The following ATP8A2 variants were observed in gnomAD, a reference collection of about 807,000 sequenced individuals.
ATP8A2 encodes ATPase phospholipid transporting 8A2, also known as phospholipid-transporting ATPase IB.
In ATP8A2, 100 loss-of-function variants were observed where a neutral mutation model predicts 165.6. The observed-to-expected ratio is 0.60, with a 90% CI of 0.51 to 0.71. The LOEUF (loss-of-function observed/expected upper bound fraction) is 0.71. Among genes scored for constraint, ATP8A2 ranks in the 30% least tolerant of loss-of-function variants. The probability of loss-of-function intolerance (pLI) is 0.00; values close to 1 mark genes in which losing one functional copy is unlikely to be tolerated. For synonymous variants in ATP8A2, 543 were observed against 548.8 expected (o/e 0.99, Z 0.15); for missense variants, 1,227 against 1,479.5 (o/e 0.83, Z 2.80).
At position 25,433,697 on chromosome 13, in the gene ATP8A2, T is replaced by C. The variant is rs555574770; in HGVS notation, c.77-35280T>C. The stretch of plus-strand genomic sequence containing the variant: ...TCCTGCATTAGAAATCACATGCTTC[T>C]GTTCACAGTAGCAAAGTCATAGAAC... On this transcript the variant is annotated intron_variant, in intron 1 of 36. Coordinates refer to ENST00000381655, the MANE Select transcript of ATP8A2 (RefSeq NM_016529.6). Among the ~76,000 whole-genome samples the C allele has an allele frequency of 2.6e-5, 4 of 152,332 alleles. No homozygotes were observed. The East Asian group carries it at 5.8e-4, about 22-fold the overall frequency.
intron 33 of ATP8A2, among the ~76,000 whole-genome samples, chr13:25,928,341 C>T (rs567200724): frequency 6.6e-6 from 1 of 152,260 alleles, no homozygotes; most frequent in South Asian, 2.1e-4. Flanking sequence ...TCATTTATTC[C>T]GTTGACTTCT....
In ATP8A2 at chr13:25,571,671, A is replaced by G. The variant is rs1002992410; in HGVS notation, c.1641A>G (p.Pro547=). The part of the protein sequence containing the change: ...KLGFVFTART[P]FSVIIEAMGQ... ...GCTTTGTCTTCACAGCCAGAACACC[A>G]TTCTCAGTCATCATAGAAGCGGTGA... Residue 547 remains proline (P), a synonymous_variant, in exon 18 of 37, where the codon CCA becomes CCG. Transcript: ENST00000381655. 1.2e-6 allele frequency: 2 copies of G among 1,613,976 alleles called. No individual in the cohort carries two copies. The highest frequency in any genetic ancestry group is 2.2e-5 in the East Asian group (1 of 44,894).
At chr13:25,572,413 G>C (rs1182855444) in intron 18 of ATP8A2, among the ~76,000 whole-genome samples, 2 of 152,196 alleles carry the variant, frequency 1.3e-5, no homozygotes, top group African/African-American at 4.8e-5. Flanking sequence ...TGCTGGGACA[G>C]GCGTGAGCCA....
In ATP8A2 at chr13:25,589,652, G is replaced by C; in HGVS notation, c.2164G>C (p.Val722Leu). ...AINIGYSCRL[V>L]SQNMALILLK... Reference sequence around the variant, plus strand: ...CACTTCAGGGTATTCCTGCCGATTGGTATCGCAGAATATGGCCCTTATCCT... The same window carrying C: ...CACTTCAGGGTATTCCTGCCGATTGCTATCGCAGAATATGGCCCTTATCCT... The change falls in exon 24 of 37, where the codon GTA becomes CTA. Residue 722 changes from valine to leucine, a missense_variant. Val to Leu is a conservative substitution (Grantham distance 32, BLOSUM62 1). Around this residue, in one of 5 missense-constraint regions of ATP8A2, gnomAD observed 592 missense variants for 785.6 expected, o/e 0.75. Transcript: ENST00000381655. The C allele has an allele frequency of 6.2e-7, 1 of 1,612,084 alleles. No homozygotes were observed. The highest frequency in any genetic ancestry group is 8.5e-7 in the Non-Finnish European group (1 of 1,178,460).
intron 24 of ATP8A2, among the ~76,000 whole-genome samples, chr13:25,632,663 G>A (rs2041270617): frequency 6.6e-6 from 1 of 152,142 alleles, no homozygotes; most frequent in African/African-American, 2.4e-5. Flanking sequence ...AATCCCTGCA[G>A]GTGTAGCTCA....
chr13:25,870,184 C>T (rs573246876), intron 33 of ATP8A2, among the ~76,000 whole-genome samples: 1 of 152,282 alleles, frequency 6.6e-6, no homozygotes, highest in Non-Finnish European at 1.5e-5. Flanking sequence ...GGTGCCTGTC[C>T]GTGCATTCCT....
chr13:25,536,736 G>T (rs1195343247), intron 6 of ATP8A2, among the ~76,000 whole-genome samples: 2 of 152,292 alleles, frequency 1.3e-5, no homozygotes, highest in East Asian at 3.9e-4. Flanking sequence ...AACTATTACT[G>T]TACTAGTAAT....
chr13:25,927,014 G>A lies in ATP8A2; in HGVS notation c.3184-34561G>A, dbSNP rs146921497. The A allele has an allele frequency of 1.3e-4, 54 of 404,746 alleles. No homozygotes were observed. The East Asian group carries it at 2.8e-3, about 21-fold the overall frequency. 25.1% of individuals were successfully genotyped at this position (404,746 alleles called of 1,614,324 possible). Reference sequence around the variant, plus strand: ...TTCCCTGCATCCTGCTGTGCCTCCCGCTCCTTCTCCTTGCCACTCTCTCCT... The same window carrying A: ...TTCCCTGCATCCTGCTGTGCCTCCCACTCCTTCTCCTTGCCACTCTCTCCT... On this transcript the variant is annotated intron_variant, in intron 33 of 36. Coordinates refer to ENST00000381655, the MANE Select transcript of ATP8A2 (RefSeq NM_016529.6).
chr13:25,804,613 A>C (rs1950690817), intron 27 of ATP8A2, among the ~76,000 whole-genome samples: 1 of 152,132 alleles, frequency 6.6e-6, no homozygotes, highest in African/African-American at 2.4e-5. Flanking sequence ...CTAAATATAG[A>C]AGTGTCTTTA....
chr13:25,684,680 A>C (rs1348202121), intron 24 of ATP8A2, among the ~76,000 whole-genome samples: 2 of 152,222 alleles, frequency 1.3e-5, no homozygotes, highest in Admixed American at 6.5e-5. Flanking sequence ...AAGAAAATCT[A>C]TTTAAAGCAA....
At chr13:25,680,388 C>CT (rs1298210869) in intron 24 of ATP8A2, among the ~76,000 whole-genome samples, 1 of 152,164 alleles carries the variant, frequency 6.6e-6, no homozygotes, top group African/African-American at 2.4e-5. Context: ...GGGGAAGAGA[C>CT]TAGGAAAAGA....
chr13:25,786,350 G>A (rs1268822490), intron 27 of ATP8A2, among the ~76,000 whole-genome samples: 2 of 152,170 alleles, frequency 1.3e-5, no homozygotes, highest in Non-Finnish European at 2.9e-5. Context: ...ATCAAGAATA[G>A]GAGTTATATA....
At chr13:25,571,822 C>A in intron 18 of ATP8A2, 130 bp downstream of exon 18, 1 of 836,322 alleles carries the variant, frequency 1.2e-6, no homozygotes. Context: ...CTGTGACAAA[C>A]TGGAGTTAAT....
At chr13:25,442,727 A>G (rs1248050351) in intron 1 of ATP8A2, among the ~76,000 whole-genome samples, 1 of 152,008 alleles carries the variant, frequency 6.6e-6, no homozygotes, top group Non-Finnish European at 1.5e-5. Context: ...TTTGATTTGC[A>G]TTTCCCTGAG....
chr13:25,897,664 A>G (rs1450103400), intron 33 of ATP8A2, among the ~76,000 whole-genome samples: 1 of 152,186 alleles, frequency 6.6e-6, no homozygotes, highest in African/African-American at 2.4e-5. Context: ...CGTCACTTTC[A>G]GGTCCACCAA....
intron 25 of ATP8A2, among the ~76,000 whole-genome samples, chr13:25,723,950 T>G (rs1216800507): frequency 6.6e-6 from 1 of 152,052 alleles, no homozygotes; most frequent in Non-Finnish European, 1.5e-5. Context: ...CCGTGGCTGG[T>G]TTGAAGATGG....
intron 24 of ATP8A2, among the ~76,000 whole-genome samples, chr13:25,621,669 G>A (rs549112714): frequency 5.6e-4 from 86 of 152,274 alleles, no homozygotes; most frequent in Non-Finnish European, 9.9e-4. Context: ...TCATAAGACA[G>A]TGGATTCCCA....
rs181514646 is a variant in ATP8A2, at chr13:25,963,211, T to C, written c.3272+1548T>C. Among the ~76,000 whole-genome samples the C allele has an allele frequency of 9.5e-4, 144 of 152,078 alleles. 1 individual carries two copies. The highest frequency in any genetic ancestry group is 3.1e-3 in the African/African-American group (130 of 41,520). ...GCAGTCAAGACCATCCTGGCCAACA[T>C]TGAGAAACTCCGTCTCTACTATAAA... On this transcript the variant is annotated intron_variant, in intron 34 of 36. Transcript: ENST00000381655.
chr13:25,886,349 C>T (rs1953153848), intron 33 of ATP8A2, among the ~76,000 whole-genome samples: 1 of 152,164 alleles, frequency 6.6e-6, no homozygotes. Context: ...GAAAGAGTCT[C>T]AGTGTGGAAA....
Sources: gnomAD v4.1 joint callset for allele counts (sites outside exome capture counted in the v4.1 genomes callset) on GRCh38, gnomAD v4.1.1 for gene constraint, gnomAD v4.1.1 regional missense constraint, MANE v1.5 for transcripts, NCBI Gene and HGNC (gene_info 2026-07-23, HGNC 2026-07-21) for gene names.